OS9: variants seen among roughly 807,000 people sequenced by gnomAD.
OS9 encodes the protein protein OS-9.
In OS9, 58 loss-of-function variants were observed where a neutral mutation model predicts 84.7. That is an observed-to-expected ratio of 0.68 (90% CI 0.55 to 0.85). The LOEUF is 0.85. Among genes scored for constraint, OS9 ranks in the 40% least tolerant of loss-of-function variants. The probability of loss-of-function intolerance (pLI) is 0.00; values close to 1 mark genes in which losing one functional copy is unlikely to be tolerated. For missense variants in OS9, 760 were observed against 850.9 expected (o/e 0.89, Z 1.33); for synonymous variants, 278 against 320.8 (o/e 0.87, Z 1.43).
chr12:57,710,266 C>T (rs927979993), intron 5 of OS9, among the ~76,000 whole-genome samples: 1 of 152,186 alleles, frequency 6.6e-6, no homozygotes, highest in African/African-American at 2.4e-5. Context: ...TTCATTTCAT[C>T]TAACTTTTAA....
chr12:57,703,235 C>T (rs1369182717), intron 5 of OS9, among the ~76,000 whole-genome samples: 1 of 152,038 alleles, frequency 6.6e-6, no homozygotes, highest in African/African-American at 2.4e-5. Flanking sequence ...ATAGTTTTAG[C>T]TCTTAAATTT....
chr12:57,707,738 CCTTT>C (rs1954213496), intron 5 of OS9, among the ~76,000 whole-genome samples: 2 of 152,116 alleles, frequency 1.3e-5, no homozygotes, highest in Admixed American at 1.3e-4. Context: ...CCTTCCTTCT[CCTTT>C]CTTTGTGTTA....
chr12:57,706,934 C>T (rs1487470577), intron 5 of OS9, among the ~76,000 whole-genome samples: 1 of 149,330 alleles, frequency 6.7e-6, no homozygotes, highest in African/African-American at 2.5e-5. Context: ...TTGGGGGGAT[C>T]GTTGTTGCTA....
intron 12 of OS9, chr12:57,719,762 A>G (rs1954618728): frequency 3.8e-6 from 1 of 261,406 alleles, no homozygotes; most frequent in Admixed American, 4.9e-5. Context: ...CAACATATGG[A>G]GGAGGAGACC....
At chr12:57,719,377 T>C in intron 12 of OS9, 195 bp downstream of exon 12, 1 of 588,168 alleles carries the variant, frequency 1.7e-6, no homozygotes, top group South Asian at 2.1e-5. Flanking sequence ...TATTCATCCC[T>C]CTGGGAAGCA....
At chr12:57,697,923 A>AGAACC (rs1565767100) in intron 5 of OS9, among the ~76,000 whole-genome samples, 28 of 63,734 alleles carry the variant, frequency 4.4e-4, no homozygotes, top group Non-Finnish European at 8.7e-4. Flanking sequence ...ACACACACAC[A>AGAACC]TACACACACA....
At chr12:57,716,253 C>A in intron 7 of OS9, 60 bp downstream of exon 7, 4 of 957,416 alleles carry the variant, frequency 4.2e-6, no homozygotes, top group Non-Finnish European at 6.5e-6. Context: ...TTCCCCTGAT[C>A]TTACTGTCCT....
At chr12:57,709,561 T>C (rs1273727962) in intron 5 of OS9, among the ~76,000 whole-genome samples, 1 of 152,204 alleles carries the variant, frequency 6.6e-6, no homozygotes, top group African/African-American at 2.4e-5. Flanking sequence ...ATGTTTGCGC[T>C]TGAAAGCATG....
intron 5 of OS9, 83 bp downstream of exon 5, chr12:57,696,456 G>T: frequency 3.9e-6 from 1 of 257,668 alleles, no homozygotes. Flanking sequence ...TATAGTCGGG[G>T]CGGGGGCGGG....
intron 5 of OS9, among the ~76,000 whole-genome samples, chr12:57,708,215 A>G (rs975657804): frequency 6.6e-6 from 1 of 152,236 alleles, no homozygotes; most frequent in Non-Finnish European, 1.5e-5. Flanking sequence ...CTTGTCCCTC[A>G]TTAGCCTCTT....
chr12:57,721,472 T>G lies in OS9; in HGVS notation c.*563T>G, dbSNP rs1954678541. 2 of 153,598 alleles carry G rather than the reference T, an allele frequency of 1.3e-5. No individual in the cohort carries two copies. The highest frequency in any genetic ancestry group is 1.3e-4 in the Admixed American group (2 of 15,592). The allele number at this position is 153,598 out of a possible 1,614,324, so 9.5% of individuals were successfully genotyped here. ...AAATGGTAGAATGCTGCCTATCACCTCCAGCACAATCCCAGTGAAAAAGGT... is the reference window on the plus strand; with the variant it reads ...AAATGGTAGAATGCTGCCTATCACCGCCAGCACAATCCCAGTGAAAAAGGT... On this transcript the variant is annotated 3_prime_UTR_variant, in exon 15 of 15. Transcript: ENST00000315970.
At chr12:57,718,960 C>T in intron 11 of OS9, 33 bp from the exon 12 acceptor site, 2 of 1,565,224 alleles carry the variant, frequency 1.3e-6, no homozygotes, top group Non-Finnish European at 8.8e-7. Flanking sequence ...CACCCCAGAC[C>T]CTTGACTCAC....
chr12:57,719,232 C>G (rs777993542), intron 12 of OS9, 50 bp downstream of exon 12: 5 of 1,531,842 alleles, frequency 3.3e-6, no homozygotes, highest in Non-Finnish European at 4.5e-6. Context: ...GTTTTCATCC[C>G]TCAGCTGGTT....
At chr12:57,716,268 G>C in intron 7 of OS9, 75 bp downstream of exon 7, 1 of 585,410 alleles carries the variant, frequency 1.7e-6, no homozygotes, top group South Asian at 1.5e-5. Flanking sequence ...TGTCCTGACT[G>C]ACTGGTGGGG....
In OS9 at chr12:57,715,854, C is replaced by G. The variant is rs754287473; in HGVS notation, c.674C>G (p.Pro225Arg). ...SCSYVLTIRT[P>R]RLCPHPLLRP... is the part of the protein sequence containing the mutation. ...TCTTATGTGCTGACCATTCGCACTCCTCGGCTCTGCCCCCACCCTCTCCTC... is the reference window on the plus strand; with the variant it reads ...TCTTATGTGCTGACCATTCGCACTCGTCGGCTCTGCCCCCACCCTCTCCTC... Residue 225 changes from proline to arginine, a missense_variant, in exon 6 of 15, where the codon CCT becomes CGT. Physicochemically the swap from Pro to Arg is moderately radical, Grantham distance 103. Coordinates refer to ENST00000315970, the MANE Select transcript of OS9 (RefSeq NM_006812.4). 4 of 1,613,906 alleles carry G rather than the reference C, an allele frequency of 2.5e-6. No individual in the cohort carries two copies. The highest frequency in any genetic ancestry group is 3.4e-6 in the Non-Finnish European group (4 of 1,179,858).
At position 57,720,257 on chromosome 12, in the gene OS9, G is replaced by C. The variant is rs1303528962; in HGVS notation, c.1759G>C (p.Ala587Pro). The change falls in exon 13 of 15, where the codon GCT becomes CCT. Residue 587 changes from alanine (A) to proline (P), a missense_variant. Ala to Pro is a conservative substitution (Grantham distance 27). Transcript: ENST00000315970. ...KELLEREGLT[A>P]AGKIEIKIVR... ...GCTGCTGGAGAGGGAGGGACTCACA[G>C]CTGCAGGTGGGCCCTGGAGGGCGGC... The C allele has an allele frequency of 6.2e-7, 1 of 1,613,852 alleles. No homozygotes were observed. Among genetic ancestry groups the C allele is most frequent in the South Asian group, 1.1e-5 (1 of 91,080 alleles).
intron 5 of OS9, among the ~76,000 whole-genome samples, chr12:57,710,739 A>G (rs1433248655): frequency 1.3e-5 from 2 of 152,180 alleles, no homozygotes; most frequent in Non-Finnish European, 2.9e-5. Context: ...TTTAAAAGGT[A>G]TGTAATGAAA....
At chr12:57,706,432 T>C (rs1343567090) in intron 5 of OS9, among the ~76,000 whole-genome samples, 3 of 152,204 alleles carry the variant, frequency 2.0e-5, no homozygotes, top group East Asian at 1.9e-4. Context: ...AATTGGTCTA[T>C]AATTTTCTCT....
chr12:57,716,307 C>A, intron 7 of OS9, 105 bp from the exon 8 acceptor site: 1 of 1,097,114 alleles, frequency 9.1e-7, no homozygotes, highest in Non-Finnish European at 1.4e-6. Flanking sequence ...TACCATGGGC[C>A]CTCCTCCCTT....
Sources: gnomAD v4.1 joint callset for allele counts (sites outside exome capture counted in the v4.1 genomes callset) on GRCh38, gnomAD v4.1.1 for gene constraint, MANE v1.5 for transcripts, NCBI Gene and HGNC (gene_info 2026-07-23, HGNC 2026-07-21) for gene names.